Variants in JMY observed in about 807,000 individuals in gnomAD.
The protein encoded by JMY is junction mediating and regulatory protein, p53 cofactor.
A neutral mutation model predicts 103.3 loss-of-function variants in JMY; 46 were observed. The observed-to-expected ratio is 0.45, with a 90% CI of 0.35 to 0.57. JMY has a LOEUF of 0.57. Ranked by LOEUF, JMY falls within the 20% of genes least tolerant of loss-of-function variation. The pLI, the probability that JMY is intolerant of heterozygous loss-of-function variation, is 0.00. For synonymous variants in JMY, 526 were observed against 489.3 expected, an observed-to-expected ratio of 1.07 and a Z score of -0.99; for missense variants, 1,238 against 1,255.2, an observed-to-expected ratio of 0.99 and a Z score of 0.21.
chr5:79,241,081 T>A (rs893494039), intron 1 of JMY, among the ~76,000 whole-genome samples: 2 of 152,234 alleles, frequency 1.3e-5, no homozygotes. Context: ...TCTTTTTTCC[T>A]ACAGTATTCC....
At position 79,314,538 on chromosome 5, in the gene JMY, C is replaced by T. The variant is rs61751239; in HGVS notation, c.2346C>T (p.Pro782=). The change falls in exon 9 of 11, where the codon CCC becomes CCT. Residue 782 remains proline (P), a synonymous_variant. Coordinates refer to ENST00000396137, the MANE Select transcript of JMY (RefSeq NM_152405.5). The part of the protein sequence containing the change: ...PLSGVTSELP[P]TISLPLLNNN... ...GTGGTGTTACCTCTGAACTGCCTCC[C>T]ACTATATCTCTTCCACTTTTGAATA... is the stretch of plus-strand genomic sequence containing the variant. The T allele has an allele frequency of 0.026, 42,738 of 1,614,068 alleles. 718 individuals are homozygous for T. The highest frequency in any genetic ancestry group is 0.031 in the Non-Finnish European group (36,513 of 1,179,944).
chr5:79,263,487 G>A (rs1015841417), intron 1 of JMY, among the ~76,000 whole-genome samples: 7 of 152,048 alleles, frequency 4.6e-5, no homozygotes, highest in South Asian at 2.1e-4. Flanking sequence ...TCCATCTCCC[G>A]GGCTCAAGTG....
At chr5:79,284,516 C>T (rs954078721) in intron 2 of JMY, 14 of 1,586,224 alleles carry the variant, frequency 8.8e-6, no homozygotes, top group African/African-American at 5.4e-5. Flanking sequence ...ACAGAACAGA[C>T]GAAGCAAGTA....
chr5:79,300,072 G>T, intron 4 of JMY, 81 bp from the exon 5 acceptor site: 3 of 1,125,680 alleles, frequency 2.7e-6, no homozygotes, highest in South Asian at 2.6e-5. Context: ...TATGCTATCT[G>T]ATTAGTATTA....
intron 2 of JMY, among the ~76,000 whole-genome samples, chr5:79,283,288 C>T (rs886353024): frequency 6.6e-6 from 1 of 151,912 alleles, no homozygotes; most frequent in Non-Finnish European, 1.5e-5. Context: ...TGCACCCAGC[C>T]GTCAACAGAG....
chr5:79,313,645 C>T (rs1747117749), intron 8 of JMY, among the ~76,000 whole-genome samples: 1 of 152,170 alleles, frequency 6.6e-6, no homozygotes, highest in South Asian at 2.1e-4. Context: ...AGCATTTATA[C>T]ATTTGACATC....
Position 79,259,478 on chromosome 5 carries a change from T to C in JMY, c.1033-18432T>C, listed in dbSNP as rs555666501. Among the ~76,000 whole-genome samples the C allele has an allele frequency of 9.2e-5, 14 of 152,324 alleles. No individual in the cohort carries two copies. In the South Asian group the frequency reaches 2.7e-3, roughly 29 times the overall value. On this transcript the variant is annotated intron_variant, in intron 1 of 10. Coordinates refer to ENST00000396137, the MANE Select transcript of JMY (RefSeq NM_152405.5). The stretch of plus-strand genomic sequence containing the variant: ...CAGGCCCTCCCCGACTTGAAGGTGG[T>C]GCTTCACCAAGGACTCACCCACTCC...
rs1390270637 is a variant in JMY at position 79,240,009 on chromosome 5, A to G, written c.1032+2327A>G. Among the ~76,000 whole-genome samples, 3 of 151,454 alleles carry G rather than the reference A, an allele frequency of 2.0e-5. No individual in the cohort carries two copies. The East Asian group carries it at 5.8e-4, about 29-fold the overall frequency. On this transcript the variant is annotated intron_variant, in intron 1 of 10. Transcript: ENST00000396137. Reference sequence around the variant, plus strand: ...TTTATTTTCTTTAACAGAAAATTATACTTTTTTTCTTTCTTTTTTTTTTTG... The same window carrying G: ...TTTATTTTCTTTAACAGAAAATTATGCTTTTTTTCTTTCTTTTTTTTTTTG...
At chr5:79,274,073 C>T (rs1745865028) in intron 1 of JMY, among the ~76,000 whole-genome samples, 1 of 152,136 alleles carries the variant, frequency 6.6e-6, no homozygotes, top group Non-Finnish European at 1.5e-5. Context: ...TCGTGATCTG[C>T]CCGCCTTGAC....
chr5:79,265,139 T>C (rs745309579), intron 1 of JMY, among the ~76,000 whole-genome samples: 10 of 152,162 alleles, frequency 6.6e-5, no homozygotes, highest in Non-Finnish European at 1.2e-4. Flanking sequence ...TTAGCCAGGA[T>C]GGTCTTGATC....
At chr5:79,270,788 G>T (rs1385012734) in intron 1 of JMY, among the ~76,000 whole-genome samples, 3 of 149,596 alleles carry the variant, frequency 2.0e-5, no homozygotes, top group African/African-American at 7.4e-5. Context: ...TTTTATCAAG[G>T]TGAAGGAGGT....
chr5:79,253,969 A>T (rs760217781), intron 1 of JMY, among the ~76,000 whole-genome samples: 5 of 142,792 alleles, frequency 3.5e-5, no homozygotes, highest in Admixed American at 6.9e-5. Flanking sequence ...TTTTTTAAAG[A>T]CAGAGTCTTG....
rs189211967 is a variant in JMY at position 79,309,187 on chromosome 5, A to G, written c.1968+2726A>G. 4.4e-3 allele frequency among the ~76,000 whole-genome samples: 663 copies of G among 152,210 alleles called. 6 individuals are homozygous for G. Among genetic ancestry groups the G allele is most frequent in the Non-Finnish European group, 4.2e-3 (283 of 68,006 alleles). On this transcript the variant is annotated intron_variant, in intron 7 of 10. Coordinates refer to ENST00000396137, the MANE Select transcript of JMY (RefSeq NM_152405.5). The stretch of plus-strand genomic sequence containing the variant: ...TAGCTAGCACTTCAGTATAATGGTG[A>G]AAGGAGTGGTAAGGGGGACATCTTT...
In JMY at chr5:79,314,630, C is replaced by CG; in HGVS notation, c.2438_2439insG (p.Pro814SerfsTer17). The CG allele has an allele frequency of 1.3e-6, 2 of 1,523,252 alleles. No individual in the cohort carries two copies. The highest frequency in any genetic ancestry group is 1.8e-6 in the Non-Finnish European group (2 of 1,104,100). The allele number at this position is 1,523,252 out of a possible 1,614,324, so 94.4% of individuals were successfully genotyped here. A position where few individuals can be genotyped will look rare whatever the true frequency, so the allele number is the denominator to read the frequency against. ...TCCCCTCTTCCTCCAACACCACCACCTCCCCCACCTCCTCCCCCTCCCCCA... is the reference window on the plus strand; with the variant it reads ...TCCCCTCTTCCTCCAACACCACCACCGTCCCCCACCTCCTCCCCCTCCCCCA... On this transcript the variant is annotated frameshift_variant, in exon 9 of 11. Transcript: ENST00000396137. LOFTEE classifies it high-confidence loss of function.
chr5:79,248,598 C>G (rs190037500), intron 1 of JMY, among the ~76,000 whole-genome samples: 6 of 152,082 alleles, frequency 3.9e-5, no homozygotes, highest in African/African-American at 1.4e-4. Flanking sequence ...CTTGAGCCAC[C>G]GCGCCGGCCT....
chr5:79,279,180 A>G (rs982107168), intron 2 of JMY, among the ~76,000 whole-genome samples: 2 of 152,124 alleles, frequency 1.3e-5, no homozygotes, highest in African/African-American at 4.8e-5. Context: ...CTAAAAATAC[A>G]AAAATTAGCT....
In JMY at chr5:79,237,163, G is replaced by T; in HGVS notation, c.513G>T (p.Ala171=). 2 of 1,549,190 alleles carry T rather than the reference G, an allele frequency of 1.3e-6. No homozygotes were observed. Among genetic ancestry groups the T allele is most frequent in the South Asian group, 1.2e-5 (1 of 84,020 alleles). ...AGAAAAAARP[A]PREAQVSSVR... is the part of the protein sequence containing the mutation. Reference sequence around the variant, plus strand: ...CAGCCGCTGCAGCAGCCCGGCCGGCGCCCAGAGAGGCCCAGGTGTCCTCTG... The same window carrying T: ...CAGCCGCTGCAGCAGCCCGGCCGGCTCCCAGAGAGGCCCAGGTGTCCTCTG... The change falls in exon 1 of 11, where the codon GCG becomes GCT. Residue 171 remains alanine (A), a synonymous_variant. Transcript: ENST00000396137.
intron 2 of JMY, among the ~76,000 whole-genome samples, chr5:79,287,915 G>T (rs891899820): frequency 9.2e-5 from 14 of 152,266 alleles, no homozygotes; most frequent in Admixed American, 5.9e-4. Context: ...CTGAGTAAGG[G>T]ATTTAAGTTT....
chr5:79,266,980 G>C (rs1745603514), intron 1 of JMY, among the ~76,000 whole-genome samples: 1 of 151,956 alleles, frequency 6.6e-6, no homozygotes, highest in Admixed American at 6.6e-5. Flanking sequence ...ATGTCTTTAG[G>C]CTTGTGTCAT....
Sources: gnomAD v4.1 joint callset for allele counts (sites outside exome capture counted in the v4.1 genomes callset) on GRCh38, gnomAD v4.1.1 for gene constraint, MANE v1.5 for transcripts, NCBI Gene and HGNC (gene_info 2026-07-23, HGNC 2026-07-21) for gene names.